ANKRD6: variants seen among roughly 807,000 people sequenced by gnomAD.
The protein encoded by ANKRD6 is ankyrin repeat domain-containing protein 6.
ANKRD6 carries 56 observed loss-of-function variants against 82.3 expected under a neutral mutation model. That is an observed-to-expected ratio of 0.68 (90% CI 0.55 to 0.85). ANKRD6 has a LOEUF of 0.85. Ranked by LOEUF, ANKRD6 falls within the 40% of genes least tolerant of loss-of-function variation. ANKRD6 has a pLI of 0.00. For synonymous variants in ANKRD6, 347 were observed against 352.1 expected, an observed-to-expected ratio of 0.99 and a Z score of 0.16; for missense variants, 852 against 907.6, an observed-to-expected ratio of 0.94 and a Z score of 0.79.
chr6:89,495,999 C>G lies in ANKRD6; in HGVS notation c.-144+62624C>G, dbSNP rs12210585. Reference sequence around the variant, plus strand: ...TGACCCCAGTGTACATGTTCATATGCAATTCCATGGGCCCCCAAGAAAGAG... The same window carrying G: ...TGACCCCAGTGTACATGTTCATATGGAATTCCATGGGCCCCCAAGAAAGAG... On this transcript the variant is annotated intron_variant, in intron 1 of 15. Transcript: ENST00000339746. Among the ~76,000 whole-genome samples, 1,501 of 152,156 alleles carry G rather than the reference C, an allele frequency of 9.9e-3. 18 individuals are homozygous for G. Among genetic ancestry groups the G allele is most frequent in the Non-Finnish European group, 0.014 (963 of 68,010 alleles).
At chr6:89,527,829 T>G (rs994041777) in intron 1 of ANKRD6, among the ~76,000 whole-genome samples, 2 of 152,040 alleles carry the variant, frequency 1.3e-5, no homozygotes, top group African/African-American at 2.4e-5. Flanking sequence ...TTTTGTTTTT[T>G]GACAGAGTCT....
At chr6:89,472,784 C>T (rs1019101561) in intron 1 of ANKRD6, among the ~76,000 whole-genome samples, 3 of 152,138 alleles carry the variant, frequency 2.0e-5, no homozygotes, top group Admixed American at 6.6e-5. Flanking sequence ...ACGGTTCTGC[C>T]GGTGCCCTGG....
chr6:89,565,860 T>C (rs1411097860), intron 1 of ANKRD6, among the ~76,000 whole-genome samples: 1 of 152,236 alleles, frequency 6.6e-6, no homozygotes, highest in South Asian at 2.1e-4. Context: ...AAGCCCTCAC[T>C]TCCTTGCTGT....
chr6:89,445,138 C>T (rs571419082), intron 1 of ANKRD6, among the ~76,000 whole-genome samples: 42 of 152,066 alleles, frequency 2.8e-4, no homozygotes, highest in Non-Finnish European at 5.0e-4. Flanking sequence ...CTATCAATAC[C>T]ATTTTTCCAA....
chr6:89,453,623 A>G (rs2127959155), intron 1 of ANKRD6, among the ~76,000 whole-genome samples: 2 of 152,042 alleles, frequency 1.3e-5, no homozygotes, highest in Admixed American at 1.3e-4. Flanking sequence ...TCTGTCGCCT[A>G]GTTAGGAGTG....
At chr6:89,576,606 G>A (rs2128103832) in intron 2 of ANKRD6, among the ~76,000 whole-genome samples, 1 of 152,200 alleles carries the variant, frequency 6.6e-6, no homozygotes, top group Non-Finnish European at 1.5e-5. Context: ...GAACAAGACA[G>A]GAAAAAACAT....
At chr6:89,585,103 A>T (rs1458537042) in intron 2 of ANKRD6, among the ~76,000 whole-genome samples, 1 of 152,236 alleles carries the variant, frequency 6.6e-6, no homozygotes, top group Non-Finnish European at 1.5e-5. Context: ...AAGCTAAACA[A>T]GAAAAATCAT....
In ANKRD6 at chr6:89,534,205, C is replaced by CT. The variant is rs1395791914; in HGVS notation, c.-143-32628dup. ...GATGGCTGACTTGCTGCATTTGTCTCTAACTACTCAGTTGATACCATGTTG... is the reference window on the plus strand; with the variant it reads ...GATGGCTGACTTGCTGCATTTGTCTCTTAACTACTCAGTTGATACCATGTTG... On this transcript the variant is annotated intron_variant, in intron 1 of 15. Coordinates refer to ENST00000339746, the MANE Select transcript of ANKRD6 (RefSeq NM_001242809.2). Among the ~76,000 whole-genome samples, 3 of 152,278 alleles carry CT rather than the reference C, an allele frequency of 2.0e-5. No individual in the cohort carries two copies. In the East Asian group the frequency reaches 5.8e-4, roughly 29 times the overall value.
intron 1 of ANKRD6, among the ~76,000 whole-genome samples, chr6:89,482,031 G>A (rs1389821538): frequency 6.6e-6 from 1 of 152,134 alleles, no homozygotes; most frequent in Admixed American, 6.5e-5. Context: ...CTCATAAGGT[G>A]GAAATAGCTG....
At chr6:89,550,895 G>T (rs1160415690) in intron 1 of ANKRD6, among the ~76,000 whole-genome samples, 1 of 152,152 alleles carries the variant, frequency 6.6e-6, no homozygotes, top group Non-Finnish European at 1.5e-5. Context: ...GGCAGAGGCT[G>T]CAGTGAGCAG....
chr6:89,624,558 G>T lies in ANKRD6; in HGVS notation c.1238G>T (p.Arg413Leu). The change falls in exon 13 of 16, where the codon CGA becomes CTA. Residue 413 changes from arginine (R) to leucine (L), a missense_variant. By Grantham distance (102) the Arg-to-Leu change is moderately radical. Coordinates refer to ENST00000339746, the MANE Select transcript of ANKRD6 (RefSeq NM_001242809.2). ...TCTTAGGCACCAATAAATGGTTGTC[G>T]ATGTGAACCTCTAATCAACAAGCTG... ...KVMQAPINGC[R>L]CEPLINKLEN... 1 of 1,553,104 alleles carries T rather than the reference G, an allele frequency of 6.4e-7. No homozygotes were observed. The highest frequency in any genetic ancestry group is 1.2e-5 in the South Asian group (1 of 84,092).
intron 1 of ANKRD6, among the ~76,000 whole-genome samples, chr6:89,527,891 C>A (rs956859788): frequency 6.6e-6 from 1 of 152,142 alleles, no homozygotes; most frequent in Admixed American, 6.5e-5. Context: ...CTCACTGTAA[C>A]CTCAAACTCC....
At chr6:89,534,459 C>T (rs1336382300) in intron 1 of ANKRD6, among the ~76,000 whole-genome samples, 3 of 152,146 alleles carry the variant, frequency 2.0e-5, no homozygotes, top group Non-Finnish European at 2.9e-5. Flanking sequence ...GCCTCCCCTC[C>T]TAAGTGTGGG....
At chr6:89,450,215 T>C (rs998199934) in intron 1 of ANKRD6, among the ~76,000 whole-genome samples, 19 of 151,786 alleles carry the variant, frequency 1.3e-4, no homozygotes, top group Admixed American at 2.6e-4. Context: ...CAGGCGCCTA[T>C]AATCCCAGCT....
At chr6:89,572,013 G>A (rs1790028346) in intron 2 of ANKRD6, among the ~76,000 whole-genome samples, 1 of 151,956 alleles carries the variant, frequency 6.6e-6, no homozygotes, top group Non-Finnish European at 1.5e-5. Flanking sequence ...TCATGTTGTT[G>A]GAATCATACA....
intron 1 of ANKRD6, among the ~76,000 whole-genome samples, chr6:89,488,149 CATGT>C (rs1420133785): frequency 7.2e-5 from 11 of 152,192 alleles, no homozygotes; most frequent in African/African-American, 2.4e-4. Flanking sequence ...CTCTCTACAG[CATGT>C]TGTGACCTAG....
chr6:89,543,567 C>G (rs1415230898), intron 1 of ANKRD6, among the ~76,000 whole-genome samples: 1 of 152,178 alleles, frequency 6.6e-6, no homozygotes, highest in East Asian at 1.9e-4. Flanking sequence ...TCCCCAGCAC[C>G]CGCCTGTGGC....
At chr6:89,553,172 A>G (rs1786081246) in intron 1 of ANKRD6, among the ~76,000 whole-genome samples, 1 of 152,212 alleles carries the variant, frequency 6.6e-6, no homozygotes, top group African/African-American at 2.4e-5. Flanking sequence ...TCAGATGGAT[A>G]TCATTTCAAG....
At chr6:89,465,444 A>G (rs1774737853) in intron 1 of ANKRD6, among the ~76,000 whole-genome samples, 1 of 151,810 alleles carries the variant, frequency 6.6e-6, no homozygotes. Context: ...TTTAATGTGA[A>G]TATTTGCAAA....
Sources: allele counts gnomAD v4.1 joint callset (sites outside exome capture counted in the v4.1 genomes callset), GRCh38; gene constraint gnomAD v4.1.1; transcripts MANE v1.5; gene names NCBI Gene and HGNC (gene_info 2026-07-23, HGNC 2026-07-21).